Variants in THBS2 observed in about 807,000 individuals in gnomAD.
THBS2 encodes thrombospondin 2, also known as thrombospondin-2.
A neutral mutation model predicts 135.2 loss-of-function variants in THBS2; 47 were observed. The ratio of observed to expected loss-of-function variants is 0.35; its 90% CI spans 0.28 to 0.44. THBS2 has a LOEUF of 0.44. THBS2 is among the 20% of genes least tolerant of loss of function. The pLI is 1.00. For missense variants in THBS2, 1,288 were observed against 1,603.1 expected, an observed-to-expected ratio of 0.80 and a Z score of 3.36; for synonymous variants, 639 against 633.8, an observed-to-expected ratio of 1.01 and a Z score of -0.12.
rs367677578 is a variant in THBS2, at chr6:169,239,720, G to A, written c.1033-25C>T. ...TCTACAAGTGAAGAAAGGCATGCAT[G>A]GAACACTCATTTAAAAGGAGGGGAC... On this transcript the variant is annotated intron_variant, in intron 6 of 21. Transcript: ENST00000617924. 1,179 of 1,548,432 alleles carry A rather than the reference G, an allele frequency of 7.6e-4. 3 individuals carry two copies. Among genetic ancestry groups the A allele is most frequent in the Non-Finnish European group, 9.7e-4 (1,100 of 1,137,380 alleles).
intron 4 of THBS2, 114 bp from the exon 5 acceptor site, chr6:169,242,072 A>G: frequency 4.1e-6 from 5 of 1,214,216 alleles, no homozygotes; most frequent in Non-Finnish European, 5.7e-6. Context: ...TGGTGCTGGG[A>G]GACACAAGGC....
At chr6:169,235,720 T>TG (rs1238852848) in intron 9 of THBS2, among the ~76,000 whole-genome samples, 3 of 141,262 alleles carry the variant, frequency 2.1e-5, no homozygotes, top group Non-Finnish European at 4.6e-5. Context: ...CCACACTCAC[T>TG]CACTTCCATC....
chr6:169,242,581 CAAA>C (rs1315082692), intron 4 of THBS2, among the ~76,000 whole-genome samples: 7 of 132,288 alleles, frequency 5.3e-5, no homozygotes, highest in African/African-American at 1.8e-4. Context: ...CACCTTCCCC[CAAA>C]TTCCCACCTT....
chr6:169,242,871 A>C (rs1392519610), intron 4 of THBS2, among the ~76,000 whole-genome samples: 2 of 37,068 alleles, frequency 5.4e-5, no homozygotes, highest in African/African-American at 1.3e-4. Context: ...CCACCTTCCC[A>C]CCTTCCCACC....
chr6:169,240,371 G>A (rs1262525775), intron 6 of THBS2, 81 bp downstream of exon 6: 15 of 1,564,490 alleles, frequency 9.6e-6, no homozygotes, highest in Admixed American at 3.5e-5. Context: ...AGCACTGAAC[G>A]CTGGCATTTC....
intron 9 of THBS2, among the ~76,000 whole-genome samples, chr6:169,235,596 G>A (rs1780004373): frequency 6.6e-6 from 1 of 151,962 alleles, no homozygotes; most frequent in South Asian, 2.1e-4. Flanking sequence ...CGCAGGGAAA[G>A]GCTATTTCAG....
chr6:169,244,816 G>T (rs1780488730), intron 4 of THBS2, among the ~76,000 whole-genome samples: 1 of 152,264 alleles, frequency 6.6e-6, no homozygotes, highest in South Asian at 2.1e-4. Context: ...GCACAGTGAG[G>T]GTCGTGGTGG....
At chr6:169,251,052 C>T (rs1338842028) in intron 1 of THBS2, among the ~76,000 whole-genome samples, 2 of 152,170 alleles carry the variant, frequency 1.3e-5, no homozygotes. Context: ...TCTAAATATT[C>T]CTATTATTTC....
chr6:169,219,486 AAGG>A (rs1779340534), intron 21 of THBS2, among the ~76,000 whole-genome samples: 1 of 152,108 alleles, frequency 6.6e-6, no homozygotes, highest in South Asian at 2.1e-4. Context: ...ATCCTAACAT[AAGG>A]AGAAGAAAAC....
At chr6:169,220,106 C>T in intron 21 of THBS2, 92 bp downstream of exon 21, 4 of 1,495,108 alleles carry the variant, frequency 2.7e-6, no homozygotes, top group Non-Finnish European at 3.6e-6. Context: ...CCCTGATGTA[C>T]AGCTTTTGTA....
chr6:169,226,332 CA>C, intron 15 of THBS2, 34 bp from the exon 16 acceptor site: 2 of 1,547,544 alleles, frequency 1.3e-6, no homozygotes, highest in Non-Finnish European at 8.9e-7. Flanking sequence ...AAAACAAAAA[CA>C]AACCAGAAGG....
intron 19 of THBS2, among the ~76,000 whole-genome samples, chr6:169,221,759 G>C (rs1271939546): frequency 6.6e-6 from 1 of 152,184 alleles, no homozygotes; most frequent in Non-Finnish European, 1.5e-5. Context: ...CAGATTCCTG[G>C]ATTGAAGAGC....
chr6:169,218,679 A>AG (rs1554243995), intron 21 of THBS2, among the ~76,000 whole-genome samples: 1 of 129,460 alleles, frequency 7.7e-6, no homozygotes, highest in Non-Finnish European at 1.6e-5. Context: ...GCGGATGAGT[A>AG]GATGGATGGA....
At chr6:169,220,058 A>C (rs1016345535) in intron 21 of THBS2, 140 bp downstream of exon 21, 2 of 1,106,270 alleles carry the variant, frequency 1.8e-6, no homozygotes, top group African/African-American at 3.1e-5. Flanking sequence ...TGGAATGTGC[A>C]GGGGGCTCAT....
intron 13 of THBS2, among the ~76,000 whole-genome samples, chr6:169,231,082 G>A (rs973538588): frequency 1.3e-5 from 2 of 152,148 alleles, no homozygotes; most frequent in African/African-American, 4.8e-5. Flanking sequence ...GGATGTCCGC[G>A]TCCTAGTGTC....
intron 15 of THBS2, among the ~76,000 whole-genome samples, chr6:169,226,885 G>T (rs186418268): frequency 1.8e-4 from 27 of 152,334 alleles, no homozygotes; most frequent in African/African-American, 6.0e-4. Flanking sequence ...AGCCAGAACT[G>T]AGCTGAGACG....
At chr6:169,248,995 A>G in intron 2 of THBS2, 22 bp from the exon 3 acceptor site, 1 of 1,577,488 alleles carries the variant, frequency 6.3e-7, no homozygotes, top group Non-Finnish European at 8.6e-7. Context: ...ACCGCAGTGG[A>G]GAAGGGTGAC....
At chr6:169,224,351 C>T (rs113562765) in intron 17 of THBS2, among the ~76,000 whole-genome samples, 4 of 152,334 alleles carry the variant, frequency 2.6e-5, no homozygotes, top group African/African-American at 7.2e-5. Context: ...CCTGCATGCC[C>T]GAACACGGAG....
intron 9 of THBS2, among the ~76,000 whole-genome samples, chr6:169,236,690 C>T (rs1780099643): frequency 2.7e-5 from 4 of 149,542 alleles, no homozygotes; most frequent in Admixed American, 2.0e-4. Flanking sequence ...CATCCACACT[C>T]ATTCCCCCAT....
Sources: gnomAD v4.1 joint callset for allele counts (sites outside exome capture counted in the v4.1 genomes callset) on GRCh38, gnomAD v4.1.1 for gene constraint, MANE v1.5 for transcripts, NCBI Gene and HGNC (gene_info 2026-07-23, HGNC 2026-07-21) for gene names.